The following PPA2 variants were observed in gnomAD, a reference collection of about 807,000 sequenced individuals.
The protein encoded by PPA2 is inorganic pyrophosphatase 2, mitochondrial.
In PPA2, 48 loss-of-function variants were observed where a neutral mutation model predicts 49.5. The ratio of observed to expected loss-of-function variants is 0.97; its 90% CI spans 0.77 to 1.23. The LOEUF (loss-of-function observed/expected upper bound fraction) is 1.23. Ranked by LOEUF, PPA2 falls within the 50% of genes most tolerant of loss-of-function variation. PPA2 has a pLI of 0.00. For missense variants in PPA2, 429 were observed against 410.1 expected (o/e 1.05, Z -0.40); for synonymous variants, 131 against 139.9 (o/e 0.94, Z 0.45).
chr4:105,411,408 A>G (rs978051526), intron 7 of PPA2, among the ~76,000 whole-genome samples: 1 of 152,184 alleles, frequency 6.6e-6, no homozygotes, highest in Non-Finnish European at 1.5e-5. Flanking sequence ...CAGATTCATA[A>G]AGCAAGTACT....
intron 7 of PPA2, among the ~76,000 whole-genome samples, chr4:105,422,441 C>T (rs1490595): frequency 0.37 from 56,893 of 152,018 alleles, 12,599 homozygotes; most frequent in East Asian, 0.67. Context: ...ATTCTGAGTA[C>T]GCAACAGAAA....
chr4:105,462,076 C>T lies in PPA2; in HGVS notation c.158-5331G>A, dbSNP rs998883891. Among the ~76,000 whole-genome samples, 4 of 152,146 alleles carry T rather than the reference C, an allele frequency of 2.6e-5. No individual in the cohort carries two copies. The South Asian group carries it at 8.3e-4, about 32-fold the overall frequency. On this transcript the variant is annotated intron_variant, in intron 1 of 11. Transcript: ENST00000341695. ...AAGATATGTAGTATCTATCCTGATCCTCTATAAAATGAATGAGATAATCTA... is the reference window on the plus strand; with the variant it reads ...AAGATATGTAGTATCTATCCTGATCTTCTATAAAATGAATGAGATAATCTA...
At chr4:105,448,328 T>C (rs1722502819) in intron 4 of PPA2, among the ~76,000 whole-genome samples, 1 of 152,120 alleles carries the variant, frequency 6.6e-6, no homozygotes. Context: ...ACAATTCTCT[T>C]CCAAATATAA....
chr4:105,462,309 C>T (rs976458464), intron 1 of PPA2, among the ~76,000 whole-genome samples: 3 of 152,138 alleles, frequency 2.0e-5, no homozygotes, highest in South Asian at 2.1e-4. Context: ...CTTTCTTATC[C>T]GAAGCTCAGG....
intron 5 of PPA2, among the ~76,000 whole-genome samples, chr4:105,440,112 T>C (rs1172089756): frequency 6.6e-6 from 1 of 151,986 alleles, no homozygotes; most frequent in Admixed American, 6.6e-5. Context: ...TGCTTATCCC[T>C]ACTCCCACTC....
intron 1 of PPA2, among the ~76,000 whole-genome samples, chr4:105,471,845 C>T (rs1337590315): frequency 6.6e-6 from 1 of 152,180 alleles, no homozygotes; most frequent in African/African-American, 2.4e-5. Flanking sequence ...TCTCCAAAAC[C>T]ACACTCCCCT....
At chr4:105,468,572 C>T (rs1018020499) in intron 1 of PPA2, among the ~76,000 whole-genome samples, 3 of 152,104 alleles carry the variant, frequency 2.0e-5, no homozygotes, top group Non-Finnish European at 2.9e-5. Flanking sequence ...CGATGAAAGC[C>T]TAAGTTAGGT....
At chr4:105,413,644 T>C (rs991917061) in intron 7 of PPA2, among the ~76,000 whole-genome samples, 3 of 152,184 alleles carry the variant, frequency 2.0e-5, no homozygotes, top group African/African-American at 7.2e-5. Flanking sequence ...TCCTGTATAA[T>C]GAAATGTGTA....
intron 7 of PPA2, among the ~76,000 whole-genome samples, chr4:105,412,856 G>C (rs554977153): frequency 6.6e-6 from 1 of 152,338 alleles, no homozygotes; most frequent in African/African-American, 2.4e-5. Flanking sequence ...AGGATGTGGA[G>C]AAACAGGAAT....
At position 105,443,591 on chromosome 4, in the gene PPA2, T is replaced by TCACACA. The variant is rs56765056; in HGVS notation, c.441+2786_441+2791dup. Among the ~76,000 whole-genome samples, 308 of 145,512 alleles carry TCACACA rather than the reference T, an allele frequency of 2.1e-3. 1 individual carries two copies. Among genetic ancestry groups the TCACACA allele is most frequent in the Middle Eastern group, 3.5e-3 (1 of 284 alleles). On this transcript the variant is annotated intron_variant, in intron 5 of 11. Transcript: ENST00000341695. Reference sequence around the variant, plus strand: ...AACTTATATGCAATTTATGGTGTATTCACACACACACACACACACACACAC... The same window carrying TCACACA: ...AACTTATATGCAATTTATGGTGTATTCACACACACACACACACACACACACACACAC...
At chr4:105,370,521 G>GT (rs147156921) in intron 11 of PPA2, 501 of 796,244 alleles carry the variant, frequency 6.3e-4, no homozygotes, top group South Asian at 8.7e-4. Context: ...AAATGTAAGA[G>GT]TTTTTTTTTA....
intron 9 of PPA2, among the ~76,000 whole-genome samples, chr4:105,391,063 T>G (rs1460171933): frequency 6.6e-6 from 1 of 152,026 alleles, no homozygotes; most frequent in Non-Finnish European, 1.5e-5. Flanking sequence ...GAAACCATCA[T>G]CCTCAGCAAA....
chr4:105,417,559 A>AAC (rs1466876752), intron 7 of PPA2, among the ~76,000 whole-genome samples: 4,986 of 26,774 alleles, frequency 0.19, 269 homozygotes, highest in African/African-American at 0.27. Flanking sequence ...GACTGAAACC[A>AAC]AAAAAAAAAA....
At chr4:105,407,958 G>A (rs1214812891) in intron 7 of PPA2, among the ~76,000 whole-genome samples, 1 of 152,104 alleles carries the variant, frequency 6.6e-6, no homozygotes, top group Non-Finnish European at 1.5e-5. Flanking sequence ...TCACTGAATT[G>A]GATACTTAAA....
intron 1 of PPA2, among the ~76,000 whole-genome samples, chr4:105,462,576 C>T (rs922330093): frequency 6.6e-6 from 1 of 152,144 alleles, no homozygotes; most frequent in African/African-American, 2.4e-5. Flanking sequence ...CTACTGATTC[C>T]AATTCTGAGA....
chr4:105,442,873 T>C (rs934316458), intron 5 of PPA2, among the ~76,000 whole-genome samples: 7 of 152,180 alleles, frequency 4.6e-5, no homozygotes, highest in African/African-American at 1.4e-4. Flanking sequence ...AGACGAATCA[T>C]AGAACAGCTA....
At chr4:105,469,804 C>T (rs72954332) in intron 1 of PPA2, among the ~76,000 whole-genome samples, 3,936 of 152,284 alleles carry the variant, frequency 0.026, 153 homozygotes, top group African/African-American at 0.09. Context: ...ATGATATAGG[C>T]CAACTTTAAA....
intron 4 of PPA2, among the ~76,000 whole-genome samples, 173 bp from the exon 5 acceptor site, chr4:105,446,675 CTA>C (rs1722399419): frequency 6.6e-6 from 1 of 152,068 alleles, no homozygotes; most frequent in Admixed American, 6.6e-5. Context: ...ATTTATAGCA[CTA>C]TATGAGAAAA....
intron 6 of PPA2, 51 bp from the exon 7 acceptor site, chr4:105,424,373 C>G: frequency 6.8e-7 from 1 of 1,462,374 alleles, no homozygotes; most frequent in Non-Finnish European, 9.1e-7. Context: ...AGAGTTTACT[C>G]ACATATCACA....
Sources: gnomAD v4.1 joint callset for allele counts (sites outside exome capture counted in the v4.1 genomes callset) on GRCh38, gnomAD v4.1.1 for gene constraint, MANE v1.5 for transcripts, NCBI Gene and HGNC (gene_info 2026-07-23, HGNC 2026-07-21) for gene names.